The following FBXL20 variants were observed in gnomAD, a reference collection of about 807,000 sequenced individuals.
The protein encoded by FBXL20 is F-box and leucine rich repeat protein 20, also known as F-box/LRR-repeat protein 20.
A neutral mutation model predicts 64.0 loss-of-function variants in FBXL20; 11 were observed. That is an observed-to-expected ratio of 0.17 (90% CI 0.11 to 0.28). The LOEUF (loss-of-function observed/expected upper bound fraction) is 0.28, where lower values mean the gene tolerates loss of function less well. Ranked by LOEUF, FBXL20 falls within the 10% of genes least tolerant of loss-of-function variation. The pLI is 1.00. For missense variants in FBXL20, 303 were observed against 526.2 expected, an observed-to-expected ratio of 0.58 and a Z score of 4.15; for synonymous variants, 184 against 189.0, an observed-to-expected ratio of 0.97 and a Z score of 0.22.
At chr17:39,326,322 T>C (rs912144739) in intron 2 of FBXL20, among the ~76,000 whole-genome samples, 20 of 152,016 alleles carry the variant, frequency 1.3e-4, no homozygotes, top group African/African-American at 3.9e-4. Flanking sequence ...AAACAAACTA[T>C]ATTCTAAATG....
chr17:39,353,567 AT>A (rs1296485693), intron 1 of FBXL20, among the ~76,000 whole-genome samples: 1 of 151,994 alleles, frequency 6.6e-6, no homozygotes, highest in East Asian at 1.9e-4. Flanking sequence ...GTCTTGGAAC[AT>A]ATTCCCCATG....
intron 2 of FBXL20, among the ~76,000 whole-genome samples, chr17:39,317,224 G>A (rs1414715289): frequency 2.0e-5 from 3 of 151,978 alleles, no homozygotes. Context: ...AAAAGACAAA[G>A]AAGAGCTGCT....
At chr17:39,402,070 C>T, upstream of FBXL20, 6 of 1,052,144 alleles carry the variant, frequency 5.7e-6, no homozygotes, top group Non-Finnish European at 7.3e-6. Context: ...CACAGAACCT[C>T]AGCCTCTGCC....
At position 39,378,900 on chromosome 17, in the gene FBXL20, C is replaced by T. The variant is rs1358058946; in HGVS notation, c.42+22461G>A. Among the ~76,000 whole-genome samples the T allele has an allele frequency of 2.7e-5, 4 of 150,824 alleles. No homozygotes were observed. In the East Asian group the frequency reaches 6.0e-4, roughly 23 times the overall value. On this transcript the variant is annotated intron_variant, in intron 1 of 14. Coordinates refer to ENST00000264658, the MANE Select transcript of FBXL20 (RefSeq NM_032875.3). ...TGCTGGGATTACAGGCGTGAGCCAC[C>T]GCGCCCGGCCATAGGATGGCTATAA...
chr17:39,370,326 A>T (rs1166596793), intron 1 of FBXL20, among the ~76,000 whole-genome samples: 1 of 149,594 alleles, frequency 6.7e-6, no homozygotes, highest in African/African-American at 2.5e-5. Flanking sequence ...CCCAGTCTCT[A>T]CCAAAAATAC....
At chr17:39,344,717 G>A (rs1340359474) in intron 1 of FBXL20, among the ~76,000 whole-genome samples, 1 of 152,116 alleles carries the variant, frequency 6.6e-6, no homozygotes, top group African/African-American at 2.4e-5. Context: ...TGAACCCCAG[G>A]CTGCAGAGCT....
intron 6 of FBXL20, among the ~76,000 whole-genome samples, chr17:39,292,809 G>A (rs80260648): frequency 1.2e-5 from 1 of 84,484 alleles, no homozygotes; most frequent in Non-Finnish European, 2.4e-5. Context: ...TTTTTTTTTT[G>A]AGACTGAGTC....
chr17:39,337,303 G>A (rs566480876), intron 2 of FBXL20, among the ~76,000 whole-genome samples: 23 of 152,302 alleles, frequency 1.5e-4, no homozygotes, highest in African/African-American at 5.3e-4. Flanking sequence ...TGGTGCCCAG[G>A]CTGGAGTGCA....
At chr17:39,292,949 T>C (rs1360471460) in intron 6 of FBXL20, among the ~76,000 whole-genome samples, 1 of 152,002 alleles carries the variant, frequency 6.6e-6, no homozygotes, top group African/African-American at 2.4e-5. Flanking sequence ...CCCGCCATCA[T>C]GCCCGGCTAA....
intron 14 of FBXL20, among the ~76,000 whole-genome samples, chr17:39,263,294 C>T (rs1485670749): frequency 6.6e-6 from 1 of 152,198 alleles, no homozygotes; most frequent in Non-Finnish European, 1.5e-5. Flanking sequence ...GCAGGCAGAT[C>T]GCTTGAGCTC....
chr17:39,291,877 C>T (rs2047042729), intron 6 of FBXL20, among the ~76,000 whole-genome samples: 1 of 152,140 alleles, frequency 6.6e-6, no homozygotes, highest in African/African-American at 2.4e-5. Context: ...GTAAGCAATT[C>T]TTTGAACTAT....
chr17:39,402,278 G>A (rs1027295781), upstream of FBXL20: 19 of 1,183,746 alleles, frequency 1.6e-5, no homozygotes. Flanking sequence ...CCGCGCCTCC[G>A]CGGTTGCCGC....
chr17:39,272,350 C>A (rs527382538), intron 10 of FBXL20, among the ~76,000 whole-genome samples: 5 of 149,572 alleles, frequency 3.3e-5, no homozygotes, highest in Non-Finnish European at 3.0e-5. Context: ...CACGCCACTG[C>A]GCTCCAGCCT....
chr17:39,349,060 T>A (rs556082601), intron 1 of FBXL20, among the ~76,000 whole-genome samples: 8 of 151,826 alleles, frequency 5.3e-5, no homozygotes, highest in Non-Finnish European at 8.8e-5. Flanking sequence ...GAAACCATCC[T>A]GGCCAACATG....
upstream of FBXL20, chr17:39,401,936 G>A: frequency 2.3e-6 from 1 of 427,242 alleles, no homozygotes; most frequent in East Asian, 3.7e-5. Context: ...GCGGATGCGA[G>A]TGCGCGCGTG....
intron 1 of FBXL20, among the ~76,000 whole-genome samples, chr17:39,399,302 T>G (rs999462608): frequency 2.6e-5 from 4 of 152,264 alleles, no homozygotes; most frequent in African/African-American, 9.6e-5. Context: ...TATCATTTGA[T>G]GTAAATGTTT....
At chr17:39,264,071 G>A (rs1396414249) in intron 14 of FBXL20, 104 bp downstream of exon 14, 22 of 1,240,664 alleles carry the variant, frequency 1.8e-5, no homozygotes, top group Non-Finnish European at 2.4e-5. Context: ...AAATGTTCAA[G>A]TAAATATAAA....
chr17:39,401,711 G>T (rs947145240), upstream of FBXL20: 68 of 1,132,774 alleles, frequency 6.0e-5, no homozygotes, highest in Non-Finnish European at 7.1e-5. Flanking sequence ...CCCGGGCCTC[G>T]GAGCGCCCGG....
At chr17:39,299,657 T>C (rs576361517) in intron 4 of FBXL20, among the ~76,000 whole-genome samples, 27 of 152,192 alleles carry the variant, frequency 1.8e-4, no homozygotes, top group Non-Finnish European at 3.4e-4. Context: ...GGTGGGTGCC[T>C]GTAGTCCCAG....
Sources: allele counts gnomAD v4.1 joint callset (sites outside exome capture counted in the v4.1 genomes callset), GRCh38; gene constraint gnomAD v4.1.1; transcripts MANE v1.5; gene names NCBI Gene and HGNC (gene_info 2026-07-23, HGNC 2026-07-21).